DOP1B: variants seen among roughly 807,000 people sequenced by gnomAD.
The protein encoded by DOP1B is protein DOP1B.
A neutral mutation model predicts 233.5 loss-of-function variants in DOP1B; 174 were observed. That is an observed-to-expected ratio of 0.75 (90% CI 0.66 to 0.85). DOP1B has a LOEUF of 0.85. DOP1B is among the 40% of genes least tolerant of loss of function. DOP1B has a pLI of 0.00. For synonymous variants in DOP1B, 1,190 were observed against 1,185.6 expected (o/e 1.00, Z -0.08); for missense variants, 2,652 against 2,846.6 (o/e 0.93, Z 1.56).
intron 2 of DOP1B, among the ~76,000 whole-genome samples, chr21:36,166,041 A>G (rs13052534): frequency 0.043 from 6,576 of 151,712 alleles, 191 homozygotes; most frequent in Non-Finnish European, 0.064. Context: ...TCTAACTAAT[A>G]CCTGATGATC....
In DOP1B at chr21:36,260,740, A is replaced by G. The variant is rs774853761; in HGVS notation, c.5315+8A>G. 1.2e-6 allele frequency: 2 copies of G among 1,613,846 alleles called. No individual in the cohort carries two copies. Among genetic ancestry groups the G allele is most frequent in the Non-Finnish European group, 1.7e-6 (2 of 1,179,946 alleles). On this transcript the variant is annotated splice_region_variant and intron_variant, in intron 24 of 36. Transcript: ENST00000691173. ...CTATGCTTTTCTCCAAAGGTAATAC[A>G]GTCCCCCGTCCTCCAAAAACTTCCT... is the stretch of plus-strand genomic sequence containing the variant.
chr21:36,227,451 G>A (rs1296355458), intron 12 of DOP1B, among the ~76,000 whole-genome samples: 1 of 151,518 alleles, frequency 6.6e-6, no homozygotes, highest in Non-Finnish European at 1.5e-5. Context: ...GGAGGCTGAG[G>A]CAGGAGAATG....
chr21:36,236,025 G>A (rs1473780685), intron 15 of DOP1B, among the ~76,000 whole-genome samples: 2 of 152,194 alleles, frequency 1.3e-5, no homozygotes, highest in South Asian at 2.1e-4. Context: ...AGACGGTTTT[G>A]TTGAGTAGAA....
intron 27 of DOP1B, among the ~76,000 whole-genome samples, chr21:36,274,350 G>A (rs571808805): frequency 1.3e-5 from 2 of 152,274 alleles, no homozygotes; most frequent in South Asian, 2.1e-4. Context: ...CTGATGGATC[G>A]GATGTAGTTA....
chr21:36,268,779 C>T (rs570939537), intron 26 of DOP1B, among the ~76,000 whole-genome samples: 26 of 152,332 alleles, frequency 1.7e-4, no homozygotes, highest in Middle Eastern at 3.4e-3. Flanking sequence ...AAATGATTCT[C>T]CTGCCTCAGC....
chr21:36,219,034 A>G (rs115997126), intron 9 of DOP1B, among the ~76,000 whole-genome samples: 1 of 152,342 alleles, frequency 6.6e-6, no homozygotes, highest in African/African-American at 2.4e-5. Context: ...TGGGCAAGTT[A>G]CTTAACCTCT....
rs759755173 is a variant in DOP1B at position 36,208,924 on chromosome 21, CAG to C, written c.681+21_681+22del. 1 of 1,493,566 alleles carries C rather than the reference CAG, an allele frequency of 6.7e-7. No homozygotes were observed. The highest frequency in any genetic ancestry group is 2.5e-5 in the East Asian group (1 of 39,838). The allele number at this position is 1,493,566 out of a possible 1,614,324, so 92.5% of individuals were successfully genotyped here. ...CTCACGGTGGGTGCTGTGTTCCTCA[CAG>C]GGCATGGGGAGGAGGCGACATGTGG... is the stretch of plus-strand genomic sequence containing the variant. On this transcript the variant is annotated intron_variant, in intron 5 of 36. Transcript: ENST00000691173.
intron 23 of DOP1B, among the ~76,000 whole-genome samples, chr21:36,258,415 C>CT (rs111603353): frequency 0.036 from 5,300 of 147,726 alleles, 280 homozygotes; most frequent in African/African-American, 0.12. Context: ...AAAAGAAAGA[C>CT]TTTTTTTTTT....
chr21:36,262,665 AT>A lies in DOP1B; in HGVS notation c.5316-878del, dbSNP rs1304848660. ...CACTTTGGGTGACCGAGGCAAGTGGATTTACTTGAGGCCAGGAGTTCAAGAC... is the reference window on the plus strand; with the variant it reads ...CACTTTGGGTGACCGAGGCAAGTGGATTACTTGAGGCCAGGAGTTCAAGAC... On this transcript the variant is annotated intron_variant, in intron 24 of 36. Coordinates refer to ENST00000691173, the MANE Select transcript of DOP1B (RefSeq NM_001320714.2). Among the ~76,000 whole-genome samples the A allele has an allele frequency of 1.2e-4, 18 of 151,882 alleles. No individual in the cohort carries two copies. The East Asian group carries it at 3.1e-3, about 26-fold the overall frequency.
At chr21:36,255,834 C>T (rs2067089745) in intron 23 of DOP1B, among the ~76,000 whole-genome samples, 1 of 152,128 alleles carries the variant, frequency 6.6e-6, no homozygotes, top group Non-Finnish European at 1.5e-5. Flanking sequence ...GAAACAGAAA[C>T]CTTCAGGGTG....
At chr21:36,293,270 C>G (rs1366029376) in intron 36 of DOP1B, 50 bp from the exon 37 acceptor site, 1 of 1,583,070 alleles carries the variant, frequency 6.3e-7, no homozygotes, top group Non-Finnish European at 8.6e-7. Context: ...CCAGCCATCT[C>G]GAGCCCTCAG....
chr21:36,293,486 A>T lies in DOP1B; in HGVS notation c.6812A>T (p.Asp2271Val), dbSNP rs767976519. Residue 2271 changes from aspartate (D) to valine (V), a missense_variant, in exon 37 of 37, where the codon GAC becomes GTC. Asp to Val is a radical substitution (Grantham distance 152). Transcript: ENST00000691173. ...PADSPGTPFL[D>V]FPVTDSPRIL... ...GATAGCCCAGGAACTCCATTCTTGG[A>T]CTTTCCTGTCACAGATAGCCCAAGG... The T allele has an allele frequency of 1.2e-6, 2 of 1,613,984 alleles. No individual in the cohort carries two copies. The highest frequency in any genetic ancestry group is 1.3e-5 in the African/African-American group (1 of 74,932).
At chr21:36,288,879 T>G in intron 34 of DOP1B, 68 bp downstream of exon 34, 1 of 1,470,502 alleles carries the variant, frequency 6.8e-7, no homozygotes, top group South Asian at 1.2e-5. Context: ...ACTTTAGATA[T>G]AGAGTTGTCT....
chr21:36,264,740 T>C (rs2067213580), intron 26 of DOP1B, among the ~76,000 whole-genome samples: 1 of 152,132 alleles, frequency 6.6e-6, no homozygotes, highest in Non-Finnish European at 1.5e-5. Flanking sequence ...CCCAAAGTGC[T>C]GGGATTACAG....
At chr21:36,231,391 G>A (rs535691391) in intron 14 of DOP1B, among the ~76,000 whole-genome samples, 40 of 152,292 alleles carry the variant, frequency 2.6e-4, no homozygotes, top group African/African-American at 9.1e-4. Context: ...TTTGGATTTG[G>A]AATTTTCAGA....
At chr21:36,221,163 TG>T (rs1487787204) in intron 10 of DOP1B, among the ~76,000 whole-genome samples, 1 of 152,096 alleles carries the variant, frequency 6.6e-6, no homozygotes, top group African/African-American at 2.4e-5. Flanking sequence ...TATTCTCCTA[TG>T]GGATTAGTTG....
chr21:36,189,100 G>A (rs1043219021), intron 2 of DOP1B, among the ~76,000 whole-genome samples: 1 of 152,106 alleles, frequency 6.6e-6, no homozygotes, highest in Non-Finnish European at 1.5e-5. Context: ...ATCATGCCGT[G>A]TCCTGGGGAC....
At chr21:36,214,971 G>A (rs2066542892) in intron 9 of DOP1B, among the ~76,000 whole-genome samples, 4 of 152,158 alleles carry the variant, frequency 2.6e-5, no homozygotes, top group African/African-American at 9.7e-5. Flanking sequence ...TGAGCCCAGG[G>A]GGTCGAGGCT....
intron 2 of DOP1B, among the ~76,000 whole-genome samples, chr21:36,192,896 A>G (rs1231205601): frequency 6.6e-6 from 1 of 151,786 alleles, no homozygotes; most frequent in Non-Finnish European, 1.5e-5. Context: ...TCACTGTGTT[A>G]GCCAGGATGG....
Sources: allele counts gnomAD v4.1 joint callset (sites outside exome capture counted in the v4.1 genomes callset), GRCh38; gene constraint gnomAD v4.1.1; transcripts MANE v1.5; gene names NCBI Gene and HGNC (gene_info 2026-07-23, HGNC 2026-07-21).